The following VWA3A variants were observed in gnomAD, a reference collection of about 807,000 sequenced individuals.
VWA3A encodes the protein von Willebrand factor A domain containing 3A.
In VWA3A, 134 loss-of-function variants were observed where a neutral mutation model predicts 160.4. That is an observed-to-expected ratio of 0.84 (90% CI 0.73 to 0.96). The LOEUF is 0.96. Among genes scored for constraint, VWA3A ranks in the 40% least tolerant of loss-of-function variants. The pLI, the probability that VWA3A is intolerant of heterozygous loss-of-function variation, is 0.00. For synonymous variants in VWA3A, 476 were observed against 543.4 expected (o/e 0.88, Z 1.72); for missense variants, 1,310 against 1,447.9 (o/e 0.90, Z 1.55).
Position 22,103,435 on chromosome 16 carries a change from C to T in VWA3A, c.429-40C>T, listed in dbSNP as rs139030402. The T allele has an allele frequency of 9.1e-3, 14,027 of 1,542,164 alleles. 85 individuals carry two copies. Among genetic ancestry groups the T allele is most frequent in the Non-Finnish European group, 0.011 (12,063 of 1,139,802 alleles). The stretch of plus-strand genomic sequence containing the variant: ...GTAAGTGGCTGTTGCTCAGTGATGA[C>T]GCTGGCCTTGGGTGATGAGTCTTTC... On this transcript the variant is annotated intron_variant, in intron 5 of 33. Coordinates refer to ENST00000389398, the MANE Select transcript of VWA3A (RefSeq NM_173615.5).
At chr16:22,132,283 T>C (rs2045962019) in intron 19 of VWA3A, among the ~76,000 whole-genome samples, 1 of 151,578 alleles carries the variant, frequency 6.6e-6, no homozygotes, top group Non-Finnish European at 1.5e-5. Context: ...CTCGGGAGGC[T>C]GAGGCAGGAG....
chr16:22,140,199 T>C lies in VWA3A; in HGVS notation c.2338T>C (p.Ser780Pro). 1 of 1,613,746 alleles carries C rather than the reference T, an allele frequency of 6.2e-7. No homozygotes were observed. Among genetic ancestry groups the C allele is most frequent in the Non-Finnish European group, 8.5e-7 (1 of 1,179,788 alleles). ...CAGAGAGAAGAGCCCCCCGCTGAAA[T>C]CTCTGAAATGGCGTCCACTCAGTAG... Reference protein sequence around the residue: ...PDREKSPPLKSLKWRPLSSRV... With the variant: ...PDREKSPPLKPLKWRPLSSRV... Residue 780 changes from serine (S) to proline (P), a missense_variant, in exon 23 of 34, where the codon TCT becomes CCT. Transcript: ENST00000389398.
intron 8 of VWA3A, among the ~76,000 whole-genome samples, chr16:22,113,284 T>C: frequency 6.7e-6 from 1 of 150,306 alleles, no homozygotes; most frequent in Non-Finnish European, 1.5e-5. Flanking sequence ...ATCTGCTTCC[T>C]GGGTTCAAGC....
At chr16:22,096,455 G>A (rs902060998) in intron 1 of VWA3A, among the ~76,000 whole-genome samples, 89 of 152,082 alleles carry the variant, frequency 5.9e-4, no homozygotes, top group African/African-American at 2.1e-3. Context: ...GCAAGACCTT[G>A]TCAATAAAAT....
chr16:22,149,748 C>A, intron 28 of VWA3A, 39 bp from the exon 29 acceptor site: 6 of 1,560,570 alleles, frequency 3.8e-6, no homozygotes, highest in Non-Finnish European at 4.4e-6. Context: ...CTCTTTCTCC[C>A]CTTCTCTGCC....
Position 22,138,668 on chromosome 16 carries a change from G to A in VWA3A, c.2292+156G>A, listed in dbSNP as rs1056238190. The A allele has an allele frequency of 8.8e-5, 88 of 999,424 alleles. No homozygotes were observed. The Middle Eastern group carries it at 2.2e-3, about 25-fold the overall frequency. The allele number at this position is 999,424 out of a possible 1,614,324, so 61.9% of individuals were successfully genotyped here. On this transcript the variant is annotated intron_variant, in intron 22 of 33. Transcript: ENST00000389398. ...TGCCTCTTGCCCAGGCCTCCAGGGG[G>A]AAAATCTCCCGCGGGGGGCCGGCTC...
chr16:22,107,817 C>T (rs990295236), intron 6 of VWA3A, among the ~76,000 whole-genome samples: 2 of 152,120 alleles, frequency 1.3e-5, no homozygotes, highest in African/African-American at 4.8e-5. Context: ...GCTGTCAGCC[C>T]ATGACCCACA....
intron 14 of VWA3A, 123 bp from the exon 15 acceptor site, chr16:22,122,962 C>T (rs770801921): frequency 5.8e-5 from 43 of 746,722 alleles, no homozygotes; most frequent in Middle Eastern, 4.7e-4. Context: ...GAGTTCGATC[C>T]GACCTCAAAT....
intron 17 of VWA3A, among the ~76,000 whole-genome samples, chr16:22,130,294 C>T (rs2045925732): frequency 1.3e-5 from 2 of 151,962 alleles, no homozygotes; most frequent in Non-Finnish European, 2.9e-5. Context: ...GAGAAAAGAG[C>T]GAAGTCACTC....
chr16:22,136,163 G>C lies in VWA3A; in HGVS notation c.2139+1725G>C, dbSNP rs562184054. Among the ~76,000 whole-genome samples the C allele has an allele frequency of 3.8e-4, 58 of 152,164 alleles. 2 individuals carry two copies. Among genetic ancestry groups the C allele is most frequent in the Non-Finnish European group, 7.2e-4 (49 of 68,036 alleles). ...GAGCAGGACAAGATACAATGAGAGAGGTAGCTAGGAGCCAGATCCCGTGAG... is the reference window on the plus strand; with the variant it reads ...GAGCAGGACAAGATACAATGAGAGACGTAGCTAGGAGCCAGATCCCGTGAG... On this transcript the variant is annotated intron_variant, in intron 21 of 33. Transcript: ENST00000389398.
chr16:22,103,611 G>C (rs889343013), intron 6 of VWA3A, 82 bp downstream of exon 6: 5 of 1,471,732 alleles, frequency 3.4e-6, no homozygotes, highest in Non-Finnish European at 4.6e-6. Context: ...TGCAAATGTA[G>C]ACCTCCAATA....
intron 25 of VWA3A, among the ~76,000 whole-genome samples, chr16:22,143,755 T>C (rs1436083565): frequency 5.1e-4 from 78 of 151,546 alleles, no homozygotes; most frequent in African/African-American, 1.7e-3. Flanking sequence ...CTTTCTTTTT[T>C]TTTTTTTTTG....
chr16:22,105,128 C>A (rs1458740641), intron 6 of VWA3A, among the ~76,000 whole-genome samples: 1 of 152,148 alleles, frequency 6.6e-6, no homozygotes, highest in East Asian at 1.9e-4. Context: ...CCTCTGGTTG[C>A]CCATGGTAAC....
At chr16:22,093,390 G>A (rs768570078) in intron 1 of VWA3A, among the ~76,000 whole-genome samples, 6 of 152,142 alleles carry the variant, frequency 3.9e-5, no homozygotes, top group Non-Finnish European at 8.8e-5. Flanking sequence ...AAGCCAGGTG[G>A]AGGAGGTGCT....
intron 30 of VWA3A, 60 bp from the exon 31 acceptor site, chr16:22,152,451 G>C: frequency 6.3e-7 from 1 of 1,596,320 alleles, no homozygotes; most frequent in South Asian, 1.1e-5. Flanking sequence ...GACGTGGGGA[G>C]TCACACGAAC....
At chr16:22,143,406 G>T (rs1010011024) in intron 25 of VWA3A, among the ~76,000 whole-genome samples, 1 of 152,180 alleles carries the variant, frequency 6.6e-6, no homozygotes, top group Non-Finnish European at 1.5e-5. Flanking sequence ...TAAGGGGATA[G>T]TTGTCCCACA....
intron 6 of VWA3A, 69 bp downstream of exon 6, chr16:22,103,598 A>T: frequency 6.6e-7 from 1 of 1,521,784 alleles, no homozygotes; most frequent in Admixed American, 2.0e-5. Flanking sequence ...GAACCCTTTC[A>T]GTTGCAAATG....
intron 27 of VWA3A, among the ~76,000 whole-genome samples, chr16:22,147,219 T>C (rs1447525164): frequency 6.6e-6 from 1 of 152,030 alleles, no homozygotes; most frequent in Non-Finnish European, 1.5e-5. Context: ...ATACAGAGTC[T>C]TTCTATGTTG....
chr16:22,125,069 C>T (rs980112448), intron 16 of VWA3A, among the ~76,000 whole-genome samples: 5 of 152,068 alleles, frequency 3.3e-5, no homozygotes, highest in South Asian at 2.1e-4. Flanking sequence ...ACCTGGTTTT[C>T]GTTTTCCCTA....
Sources: gnomAD v4.1 joint callset for allele counts (sites outside exome capture counted in the v4.1 genomes callset) on GRCh38, gnomAD v4.1.1 for gene constraint, MANE v1.5 for transcripts, NCBI Gene and HGNC (gene_info 2026-07-23, HGNC 2026-07-21) for gene names.